LGR5: variants seen among roughly 807,000 people sequenced by gnomAD.
LGR5 encodes leucine rich repeat containing G protein-coupled receptor 5.
Under a neutral mutation model 76.7 loss-of-function variants are expected in LGR5, and 54 were observed. The ratio of observed to expected loss-of-function variants is 0.70; its 90% CI spans 0.57 to 0.88. The LOEUF (loss-of-function observed/expected upper bound fraction) is 0.88, where lower values mean the gene tolerates loss of function less well. Among genes scored for constraint, LGR5 ranks in the 40% least tolerant of loss-of-function variants. LGR5 has a pLI of 0.00. For synonymous variants in LGR5, 406 were observed against 421.9 expected (o/e 0.96, Z 0.46); for missense variants, 1,078 against 1,073.3 (o/e 1.00, Z -0.06).
intron 1 of LGR5, among the ~76,000 whole-genome samples, chr12:71,460,973 C>T (rs1454404648): frequency 6.6e-6 from 1 of 152,170 alleles, no homozygotes; most frequent in Non-Finnish European, 1.5e-5. Flanking sequence ...TTTCAGAAAT[C>T]ATTGCTCTGC....
At position 71,580,416 on chromosome 12, in the gene LGR5, G is replaced by T; in HGVS notation, c.1545G>T (p.Gln515His). 1 of 1,612,964 alleles carries T rather than the reference G, an allele frequency of 6.2e-7. No individual in the cohort carries two copies. Among genetic ancestry groups the T allele is most frequent in the South Asian group, 1.1e-5 (1 of 90,758 alleles). Residue 515 changes from glutamine (Q) to histidine (H), a missense_variant, in exon 16 of 18, where the codon CAG (glutamine) becomes CAT (histidine). Coordinates refer to ENST00000266674, the MANE Select transcript of LGR5 (RefSeq NM_003667.4). Reference protein sequence around the residue: ...DLHKKDAGMFQAQDERDLEDF... With the variant: ...DLHKKDAGMFHAQDERDLEDF... ...ATAAGAAAGATGCTGGAATGTTTCAGGCTCAAGGTAGGACTTGCTATGCCA... is the reference window on the plus strand; with the variant it reads ...ATAAGAAAGATGCTGGAATGTTTCATGCTCAAGGTAGGACTTGCTATGCCA...
chr12:71,451,906 C>A (rs1160232394), intron 1 of LGR5, among the ~76,000 whole-genome samples: 1 of 152,050 alleles, frequency 6.6e-6, no homozygotes, highest in Non-Finnish European at 1.5e-5. Flanking sequence ...AACCCACAAC[C>A]CCACAACCAC....
chr12:71,533,137 G>A (rs531314329), intron 3 of LGR5, among the ~76,000 whole-genome samples: 3 of 152,212 alleles, frequency 2.0e-5, no homozygotes, highest in African/African-American at 2.4e-5. Context: ...TTGAGGTCAG[G>A]AGTTTGAGAC....
In LGR5 at chr12:71,500,949, C is replaced by T. The variant is rs993007018; in HGVS notation, c.213-3665C>T. Among the ~76,000 whole-genome samples the T allele has an allele frequency of 2.6e-5, 4 of 152,198 alleles. No individual in the cohort carries two copies. In the East Asian group the frequency reaches 5.8e-4, roughly 22 times the overall value. On this transcript the variant is annotated intron_variant, in intron 1 of 17. Transcript: ENST00000266674. ...TCTTGTCACAACGGAAATCAATCAT[C>T]CATTTCTTACAAAATCCTTTTACAT...
At chr12:71,582,310 A>G (rs1314498737) in intron 16 of LGR5, 146 bp from the exon 17 acceptor site, 2 of 642,028 alleles carry the variant, frequency 3.1e-6, no homozygotes, top group Non-Finnish European at 5.5e-6. Context: ...TCCAAAGGCA[A>G]CTTTATAATA....
Position 71,584,123 on chromosome 12 carries a change from A to T in LGR5, c.2113A>T (p.Lys705Ter). The change falls in exon 18 of 18, where the codon AAG becomes TAG. Residue 705 changes from lysine to a stop codon, truncating the protein, a stop_gained. Coordinates refer to ENST00000266674, the MANE Select transcript of LGR5 (RefSeq NM_003667.4). LOFTEE classifies it high-confidence loss of function. ...CGCAGTTCCCCTGCTGGGTGGCAGC[A>T]AGTATGGCGCCTCCCCTCTCTGCCT... ...MAAVPLLGGS[K>*]YGASPLCLPL... 6.2e-7 allele frequency: 1 copy of T among 1,614,162 alleles called. No homozygotes were observed. Among genetic ancestry groups the T allele is most frequent in the Non-Finnish European group, 8.5e-7 (1 of 1,180,034 alleles).
intron 4 of LGR5, among the ~76,000 whole-genome samples, chr12:71,547,394 C>T (rs915149616): frequency 6.6e-6 from 1 of 152,022 alleles, no homozygotes; most frequent in Non-Finnish European, 1.5e-5. Flanking sequence ...TGGCAATCTC[C>T]CATAGACAGA....
chr12:71,519,558 G>C (rs1456706378), intron 2 of LGR5, among the ~76,000 whole-genome samples: 1 of 151,966 alleles, frequency 6.6e-6, no homozygotes, highest in Non-Finnish European at 1.5e-5. Context: ...CTAACACTTT[G>C]GGAGGCTGAG....
At chr12:71,554,121 C>T (rs1877641617) in intron 5 of LGR5, among the ~76,000 whole-genome samples, 1 of 152,126 alleles carries the variant, frequency 6.6e-6, no homozygotes, top group Admixed American at 6.6e-5. Flanking sequence ...ATACAGCCAG[C>T]TCAATGGAAG....
intron 1 of LGR5, among the ~76,000 whole-genome samples, chr12:71,477,224 C>G (rs910150066): frequency 6.6e-6 from 1 of 151,992 alleles, no homozygotes; most frequent in African/African-American, 2.4e-5. Context: ...CCTCACCACC[C>G]GTTTTCTCAC....
At chr12:71,549,403 AAT>A (rs1877365304) in intron 4 of LGR5, among the ~76,000 whole-genome samples, 1 of 152,154 alleles carries the variant, frequency 6.6e-6, no homozygotes, top group Admixed American at 6.6e-5. Context: ...AGTTAATAAT[AAT>A]ATATTGTATA....
chr12:71,580,529 C>T, intron 16 of LGR5, 106 bp downstream of exon 16: 3 of 1,143,920 alleles, frequency 2.6e-6, no homozygotes, highest in Non-Finnish European at 3.8e-6. Context: ...GGTGTGGTGG[C>T]ACACACCTGT....
At chr12:71,583,235 C>T (rs577504890) in intron 17 of LGR5, among the ~76,000 whole-genome samples, 1 of 152,334 alleles carries the variant, frequency 6.6e-6, no homozygotes, top group African/African-American at 2.4e-5. Context: ...ATGAAATTCA[C>T]ATTCATAATA....
At chr12:71,473,536 G>A (rs954691713) in intron 1 of LGR5, among the ~76,000 whole-genome samples, 5 of 152,104 alleles carry the variant, frequency 3.3e-5, no homozygotes, top group East Asian at 3.9e-4. Context: ...CACTTCAGGA[G>A]GCTGAGGTGG....
In LGR5 at chr12:71,461,949, C is replaced by A. The variant is rs149715788; in HGVS notation, c.212+21657C>A. Among the ~76,000 whole-genome samples, 4 of 152,174 alleles carry A rather than the reference C, an allele frequency of 2.6e-5. No individual in the cohort carries two copies. The South Asian group carries it at 8.3e-4, about 32-fold the overall frequency. Reference sequence around the variant, plus strand: ...TAAATGCACAGGTTTTGTAATCTGCCGGGTGTGAATTTGGCCATGGTCCAA... The same window carrying A: ...TAAATGCACAGGTTTTGTAATCTGCAGGGTGTGAATTTGGCCATGGTCCAA... On this transcript the variant is annotated intron_variant, in intron 1 of 17. Transcript: ENST00000266674.
At chr12:71,516,521 C>T (rs1875448749) in intron 2 of LGR5, among the ~76,000 whole-genome samples, 1 of 152,064 alleles carries the variant, frequency 6.6e-6, no homozygotes, top group Admixed American at 6.6e-5. Flanking sequence ...TCAGTACTCC[C>T]CAGATCTTGT....
At chr12:71,453,030 GC>G (rs1872311464) in intron 1 of LGR5, among the ~76,000 whole-genome samples, 1 of 152,042 alleles carries the variant, frequency 6.6e-6, no homozygotes, top group Non-Finnish European at 1.5e-5. Context: ...TAAATTAATT[GC>G]CCTGAATGTT....
rs963563742 is a variant in LGR5 at position 71,453,788 on chromosome 12, GA to G, written c.212+13500del. Among the ~76,000 whole-genome samples the G allele has an allele frequency of 2.7e-4, 41 of 151,852 alleles. No homozygotes were observed. In the East Asian group the frequency reaches 3.1e-3, roughly 12 times the overall value. On this transcript the variant is annotated intron_variant, in intron 1 of 17. Transcript: ENST00000266674. Reference sequence around the variant, plus strand: ...TTAAAGAATGGGCTTGTGTCTACCTGAAAATACATCCAAAATAATCTAATTT... The same window carrying G: ...TTAAAGAATGGGCTTGTGTCTACCTGAAATACATCCAAAATAATCTAATTT...
chr12:71,525,885 T>G (rs995821673), intron 3 of LGR5, among the ~76,000 whole-genome samples: 3 of 151,356 alleles, frequency 2.0e-5, no homozygotes, highest in Non-Finnish European at 4.4e-5. Context: ...ATTATACAAG[T>G]CTTATACTAA....
Sources: allele counts gnomAD v4.1 joint callset (sites outside exome capture counted in the v4.1 genomes callset), GRCh38; gene constraint gnomAD v4.1.1; transcripts MANE v1.5; gene names NCBI Gene and HGNC (gene_info 2026-07-23, HGNC 2026-07-21).